The following SPATA13 variants were observed in gnomAD, a reference collection of about 807,000 sequenced individuals.
SPATA13 encodes the protein spermatogenesis associated 13.
Under a neutral mutation model 104.0 loss-of-function variants are expected in SPATA13, and 50 were observed. The observed-to-expected ratio is 0.48, with a 90% CI of 0.38 to 0.61. The LOEUF (loss-of-function observed/expected upper bound fraction) is 0.61, where lower values mean the gene tolerates loss of function less well. Among genes scored for constraint, SPATA13 ranks in the 20% least tolerant of loss-of-function variants. The pLI, the probability that SPATA13 is intolerant of heterozygous loss-of-function variation, is 0.00. For missense variants in SPATA13, 1,524 were observed against 1,690.6 expected (o/e 0.90, Z 1.73); for synonymous variants, 606 against 667.5 (o/e 0.91, Z 1.42).
intron 1 of SPATA13, among the ~76,000 whole-genome samples, chr13:24,194,625 A>C (rs1869947737): frequency 6.6e-6 from 1 of 152,210 alleles, no homozygotes; most frequent in South Asian, 2.1e-4. Context: ...GTAGGTCCTC[A>C]TTGATTCACC....
intron 1 of SPATA13, among the ~76,000 whole-genome samples, chr13:24,169,991 C>T (rs192852073): frequency 9.7e-4 from 148 of 152,330 alleles, no homozygotes; most frequent in African/African-American, 3.4e-3. Context: ...TTAAATGTGA[C>T]GTCTTCATAC....
At position 24,182,483 on chromosome 13, in the gene SPATA13, TGAGA is replaced by T. The variant is rs996881855; in HGVS notation, c.-112+21558_-112+21561del. On this transcript the variant is annotated intron_variant, in intron 1 of 12. Coordinates refer to ENST00000382108, the MANE Select transcript of SPATA13 (RefSeq NM_001166271.3). ...GTGTGTCACATGATGAGAGAGGAAG[TGAGA>T]GAGAGACAGAGAGAGAGAGAGAGCG... Among the ~76,000 whole-genome samples the T allele has an allele frequency of 1.1e-3, 120 of 112,004 alleles. 3 individuals carry two copies. The South Asian group carries it at 0.035, about 33-fold the overall frequency. The allele number at this position is 112,004 out of a possible 152,430, so 73.5% of individuals were successfully genotyped here.
At chr13:24,085,911 C>T (rs1879702938) in intron 3 of SPATA13, among the ~76,000 whole-genome samples, 1 of 152,232 alleles carries the variant, frequency 6.6e-6, no homozygotes, top group Admixed American at 6.5e-5. Context: ...ACAAACACTA[C>T]AGGTTCTTTA....
Position 24,304,648 on chromosome 13 carries a change from T to G in SPATA13, c.*1875T>G, listed in dbSNP as rs1443286639. The G allele has an allele frequency of 6.6e-6, 1 of 152,258 alleles. No homozygotes were observed. Among genetic ancestry groups the G allele is most frequent in the Non-Finnish European group, 1.5e-5 (1 of 68,078 alleles). 9.4% of individuals were successfully genotyped at this position (152,258 alleles called of 1,614,324 possible). On this transcript the variant is annotated 3_prime_UTR_variant, in exon 13 of 13. Transcript: ENST00000382108. ...TAACCTTGGTCCTCAGGTGAACCCT[T>G]GGAACATTCTGTGACCGCCTGATGT...
intron 1 of SPATA13, among the ~76,000 whole-genome samples, chr13:24,168,797 A>G (rs1882844837): frequency 6.6e-6 from 1 of 152,210 alleles, no homozygotes; most frequent in Non-Finnish European, 1.5e-5. Flanking sequence ...GTGATATTCA[A>G]AAGTATTATA....
At chr13:24,071,737 G>A (rs576732277) in intron 3 of SPATA13, among the ~76,000 whole-genome samples, 12 of 152,182 alleles carry the variant, frequency 7.9e-5, no homozygotes, top group Non-Finnish European at 1.6e-4. Flanking sequence ...CTAAGTAAGG[G>A]CATTTAGTGA....
intron 1 of SPATA13, among the ~76,000 whole-genome samples, chr13:24,185,938 A>G (rs1021293836): frequency 6.6e-6 from 1 of 152,110 alleles, no homozygotes; most frequent in Non-Finnish European, 1.5e-5. Flanking sequence ...TTTAGGCTTG[A>G]ATCTTATGGC....
intron 4 of SPATA13, among the ~76,000 whole-genome samples, chr13:24,267,301 T>C (rs1169403215): frequency 6.6e-6 from 1 of 152,222 alleles, no homozygotes; most frequent in Non-Finnish European, 1.5e-5. Flanking sequence ...AAAGGGGTTG[T>C]TGGGTCACAT....
At chr13:24,010,846 C>T (rs903002256) in intron 2 of SPATA13, among the ~76,000 whole-genome samples, 5 of 151,924 alleles carry the variant, frequency 3.3e-5, no homozygotes, top group Non-Finnish European at 5.9e-5. Flanking sequence ...GGTTGGCAAA[C>T]CATTCCTAGA....
At chr13:24,081,209 A>C (rs1879504665) in intron 3 of SPATA13, among the ~76,000 whole-genome samples, 1 of 152,212 alleles carries the variant, frequency 6.6e-6, no homozygotes, top group African/African-American at 2.4e-5. Context: ...AGATCTGTCC[A>C]AGTCATGCAT....
chr13:24,284,163 T>C lies in SPATA13; in HGVS notation c.2193T>C (p.Ser731=). The C allele has an allele frequency of 6.2e-7, 1 of 1,613,822 alleles. No individual in the cohort carries two copies. Among genetic ancestry groups the C allele is most frequent in the Non-Finnish European group, 8.5e-7 (1 of 1,179,836 alleles). The change falls in exon 5 of 13, where the codon TCT becomes TCC. Residue 731 remains serine, a synonymous_variant. Coordinates refer to ENST00000382108, the MANE Select transcript of SPATA13 (RefSeq NM_001166271.3). ...CTTCAGATGGAGGTACTGAGCCCTC[T>C]GCCTTAGTGGATGACAACGGTAGTG... The part of the protein sequence containing the change: ...NVSSDGGTEP[S]ALVDDNGSEE...
At chr13:24,098,394 A>G (rs1352787302) in intron 3 of SPATA13, among the ~76,000 whole-genome samples, 1 of 151,972 alleles carries the variant, frequency 6.6e-6, no homozygotes, top group Admixed American at 6.6e-5. Context: ...TTAAAAAAAT[A>G]ATTAAGACTT....
chr13:24,276,276 T>A (rs1375990140), intron 4 of SPATA13, among the ~76,000 whole-genome samples: 3 of 152,218 alleles, frequency 2.0e-5, no homozygotes. Flanking sequence ...TTTCCTTTTT[T>A]AAAAATCAAT....
At chr13:24,015,830 C>T (rs994370819) in intron 2 of SPATA13, among the ~76,000 whole-genome samples, 1 of 151,692 alleles carries the variant, frequency 6.6e-6, no homozygotes, top group East Asian at 1.9e-4. Context: ...GTCATAGTCC[C>T]CTCATGACCC....
rs1875968914 is a variant in SPATA13 at position 24,286,649 on chromosome 13, G to T, written c.2482-116G>T. Reference sequence around the variant, plus strand: ...CTGAGGCCATGAGACTCAGGCGAGGGCCAGGCTGCCTTCCTAACAGGTCAC... The same window carrying T: ...CTGAGGCCATGAGACTCAGGCGAGGTCCAGGCTGCCTTCCTAACAGGTCAC... On this transcript the variant is annotated intron_variant, in intron 6 of 12. Transcript: ENST00000382108. This position sits in a 1 kb window ranked among gnomAD's most constrained non-coding sequence, Gnocchi z 4.9. The T allele has an allele frequency of 4.9e-6, 5 of 1,030,350 alleles. No homozygotes were observed. The highest frequency in any genetic ancestry group is 7.0e-6 in the Non-Finnish European group (5 of 715,706). 63.8% of individuals were successfully genotyped at this position (1,030,350 alleles called of 1,614,324 possible).
intron 3 of SPATA13, among the ~76,000 whole-genome samples, chr13:24,103,031 A>C (rs17080016): frequency 0.37 from 56,186 of 152,040 alleles, 10,712 homozygotes; most frequent in Non-Finnish European, 0.41. Flanking sequence ...TGTTGAAGAG[A>C]TGAGTTAAAC....
chr13:24,103,528 GAGAGAGAGAGAGAGA>G (rs72243336), intron 3 of SPATA13, among the ~76,000 whole-genome samples: 4,140 of 146,786 alleles, frequency 0.028, 163 homozygotes, highest in African/African-American at 0.086. Flanking sequence ...CAGGGGAGGA[GAGAGAGAGAGAGAGA>G]AGAGAGAGAG....
At chr13:23,997,356 C>A in intron 2 of SPATA13, among the ~76,000 whole-genome samples, 1 of 152,268 alleles carries the variant, frequency 6.6e-6, no homozygotes, top group African/African-American at 2.4e-5. Context: ...CGTCCCCATA[C>A]CCACATTCCC....
intron 2 of SPATA13, among the ~76,000 whole-genome samples, chr13:24,228,702 A>G (rs1872090064): frequency 6.6e-6 from 1 of 152,332 alleles, no homozygotes; most frequent in East Asian, 1.9e-4. Flanking sequence ...CTATTTTTCA[A>G]TATACAGTTT....
Sources: gnomAD v4.1 joint callset for allele counts (sites outside exome capture counted in the v4.1 genomes callset) on GRCh38, gnomAD v4.1.1 for gene constraint, Gnocchi (gnomAD v3.1) non-coding constraint, MANE v1.5 for transcripts, NCBI Gene and HGNC (gene_info 2026-07-23, HGNC 2026-07-21) for gene names.